PTPRG: variants seen among roughly 807,000 people sequenced by gnomAD.
The protein encoded by PTPRG is receptor-type tyrosine-protein phosphatase gamma.
In PTPRG, 102 loss-of-function variants were observed where a neutral mutation model predicts 165.3. The observed-to-expected ratio is 0.62, with a 90% CI of 0.53 to 0.73. The LOEUF (loss-of-function observed/expected upper bound fraction) is 0.73. Ranked by LOEUF, PTPRG falls within the 30% of genes least tolerant of loss-of-function variation. The pLI, the probability that PTPRG is intolerant of heterozygous loss-of-function variation, is 0.00. For synonymous variants in PTPRG, 675 were observed against 669.5 expected (o/e 1.01, Z -0.13); for missense variants, 1,866 against 1,861.4 (o/e 1.00, Z -0.05).
chr3:61,610,187 T>C (rs567525439), intron 1 of PTPRG, among the ~76,000 whole-genome samples: 1 of 151,678 alleles, frequency 6.6e-6, no homozygotes, highest in South Asian at 2.1e-4. Flanking sequence ...AGTACAACTT[T>C]GTAGGGATGT....
intron 4 of PTPRG, among the ~76,000 whole-genome samples, chr3:62,023,957 G>C (rs1301732521): frequency 6.6e-6 from 1 of 152,056 alleles, no homozygotes; most frequent in East Asian, 1.9e-4. Context: ...GCTTATCTTA[G>C]GATGTATCCT....
chr3:61,763,398 C>T (rs777782378), intron 2 of PTPRG, among the ~76,000 whole-genome samples: 10 of 151,982 alleles, frequency 6.6e-5, no homozygotes, highest in Admixed American at 1.3e-4. Flanking sequence ...CCACTACACC[C>T]GGCTAATTTT....
intron 1 of PTPRG, among the ~76,000 whole-genome samples, chr3:61,658,565 C>G (rs6771593): frequency 0.011 from 1,725 of 152,306 alleles, 40 homozygotes; most frequent in African/African-American, 0.04. Flanking sequence ...CCCATCTCAT[C>G]CACATCACAC....
intron 5 of PTPRG, among the ~76,000 whole-genome samples, chr3:62,083,156 T>A (rs1265176415): frequency 6.6e-6 from 1 of 152,228 alleles, no homozygotes; most frequent in Non-Finnish European, 1.5e-5. Flanking sequence ...AAAGTAAAAC[T>A]TCTGTTCTCT....
Position 62,243,825 on chromosome 3 carries a change from T to C in PTPRG, c.2394T>C (p.Ala798=). The C allele has an allele frequency of 1.3e-6, 2 of 1,590,620 alleles. No individual in the cohort carries two copies. The highest frequency in any genetic ancestry group is 1.7e-6 in the Non-Finnish European group (2 of 1,159,542). The change falls in exon 15 of 30, where the codon GCT becomes GCC. Residue 798 remains alanine, a synonymous_variant. Coordinates refer to ENST00000474889, the MANE Select transcript of PTPRG (RefSeq NM_002841.4). ...TACACAGAAAATGTTTTCAGACTGC[T>C]CATTTCTATGTGGAAGACAGCAGTT... ...EKGSRKCFQT[A]HFYVEDSSSP... is the part of the protein sequence containing the mutation.
At chr3:61,615,273 T>TA (rs1701271863) in intron 1 of PTPRG, among the ~76,000 whole-genome samples, 1 of 152,254 alleles carries the variant, frequency 6.6e-6, no homozygotes, top group Admixed American at 6.5e-5. Flanking sequence ...TGTCTGTTGT[T>TA]AGTCTCTTTC....
intron 1 of PTPRG, among the ~76,000 whole-genome samples, chr3:61,662,539 C>G (rs1304574566): frequency 6.6e-6 from 1 of 152,186 alleles, no homozygotes; most frequent in Non-Finnish European, 1.5e-5. Context: ...CCCACAGAGC[C>G]TATGAGATGA....
chr3:61,849,882 G>T (rs938979510), intron 2 of PTPRG, among the ~76,000 whole-genome samples: 1 of 152,200 alleles, frequency 6.6e-6, no homozygotes, highest in African/African-American at 2.4e-5. Flanking sequence ...TGATAGCTGA[G>T]TTGACTTAAG....
At chr3:62,126,434 T>G (rs1408778292) in intron 5 of PTPRG, among the ~76,000 whole-genome samples, 1 of 152,198 alleles carries the variant, frequency 6.6e-6, no homozygotes, top group Non-Finnish European at 1.5e-5. Flanking sequence ...GCGTTTGAAG[T>G]GGGGAGGGTG....
rs554176962 is a variant in PTPRG, at chr3:61,681,849, G to GAAGAA, written c.86-67028_86-67027insAGAAA. On this transcript the variant is annotated intron_variant, in intron 1 of 29. Coordinates refer to ENST00000474889, the MANE Select transcript of PTPRG (RefSeq NM_002841.4). ...AAGATGTTGGCTTCATTTTCTTGAT[G>GAAGAA]ACTGAAAAGTAAACTAGTGGCCGGG... 7.7e-4 allele frequency among the ~76,000 whole-genome samples: 117 copies of GAAGAA among 152,172 alleles called. No individual in the cohort carries two copies. In the East Asian group the frequency reaches 9.1e-3, roughly 12 times the overall value.
chr3:61,582,280 T>A (rs1199963758), intron 1 of PTPRG, among the ~76,000 whole-genome samples: 1 of 152,182 alleles, frequency 6.6e-6, no homozygotes, highest in African/African-American at 2.4e-5. Context: ...TTATTTTGTT[T>A]TATTTATTAA....
intron 2 of PTPRG, among the ~76,000 whole-genome samples, chr3:61,780,973 G>A (rs2034529017): frequency 6.6e-6 from 1 of 152,226 alleles, no homozygotes; most frequent in African/African-American, 2.4e-5. Flanking sequence ...CCTCCAGAGG[G>A]AATGGGGAGG....
intron 2 of PTPRG, among the ~76,000 whole-genome samples, chr3:61,831,238 C>G (rs1171033584): frequency 6.6e-6 from 1 of 152,170 alleles, no homozygotes; most frequent in Non-Finnish European, 1.5e-5. Flanking sequence ...GAATTTTTCA[C>G]TGAAATATAG....
At chr3:61,987,137 A>G (rs996451778) in intron 2 of PTPRG, among the ~76,000 whole-genome samples, 3 of 152,270 alleles carry the variant, frequency 2.0e-5, no homozygotes, top group South Asian at 2.1e-4. Context: ...AAAGTGTTCT[A>G]TTTCCTCTGC....
At chr3:61,765,736 T>C (rs1166408252) in intron 2 of PTPRG, among the ~76,000 whole-genome samples, 1 of 152,186 alleles carries the variant, frequency 6.6e-6, no homozygotes, top group Non-Finnish European at 1.5e-5. Context: ...ATAAATGTAG[T>C]AGTAATGGCC....
At chr3:61,717,320 A>T (rs982588206) in intron 1 of PTPRG, among the ~76,000 whole-genome samples, 2 of 152,212 alleles carry the variant, frequency 1.3e-5, no homozygotes, top group African/African-American at 4.8e-5. Flanking sequence ...TATTGTTATT[A>T]TTCCCATTTT....
At chr3:61,974,454 G>A (rs1364017363) in intron 2 of PTPRG, among the ~76,000 whole-genome samples, 2 of 152,048 alleles carry the variant, frequency 1.3e-5, no homozygotes, top group Non-Finnish European at 2.9e-5. Context: ...TCGGGAGGCT[G>A]AGGCAGGAGA....
At chr3:62,056,827 A>G (rs922297278) in intron 4 of PTPRG, among the ~76,000 whole-genome samples, 2 of 152,146 alleles carry the variant, frequency 1.3e-5, no homozygotes, top group South Asian at 2.1e-4. Context: ...CTTTGTGTCT[A>G]TTTAGGGTGG....
chr3:61,911,152 C>G (rs2107540658), intron 2 of PTPRG, among the ~76,000 whole-genome samples: 1 of 152,318 alleles, frequency 6.6e-6, no homozygotes, highest in African/African-American at 2.4e-5. Context: ...TTCCTTCTTT[C>G]AAACCCTTTC....
Sources: gnomAD v4.1 joint callset for allele counts (sites outside exome capture counted in the v4.1 genomes callset) on GRCh38, gnomAD v4.1.1 for gene constraint, MANE v1.5 for transcripts, NCBI Gene and HGNC (gene_info 2026-07-23, HGNC 2026-07-21) for gene names.